SDCCAG8: variants seen among roughly 807,000 people sequenced by gnomAD.
SDCCAG8 encodes the protein serologically defined colon cancer antigen 8.
A neutral mutation model predicts 101.8 loss-of-function variants in SDCCAG8; 74 were observed. The ratio of observed to expected loss-of-function variants is 0.73; its 90% CI spans 0.60 to 0.88. SDCCAG8 has a LOEUF of 0.88. SDCCAG8 is among the 40% of genes least tolerant of loss of function. The pLI is 0.00. For missense variants in SDCCAG8, 787 were observed against 822.6 expected, an observed-to-expected ratio of 0.96 and a Z score of 0.53; for synonymous variants, 281 against 292.9, an observed-to-expected ratio of 0.96 and a Z score of 0.41.
At chr1:243,433,211 CTG>C (rs2081910578) in intron 16 of SDCCAG8, among the ~76,000 whole-genome samples, 3 of 152,088 alleles carry the variant, frequency 2.0e-5, no homozygotes, top group Admixed American at 2.0e-4. Flanking sequence ...GTACCAGTCA[CTG>C]TGCTAGGCCT....
intron 12 of SDCCAG8, among the ~76,000 whole-genome samples, chr1:243,345,261 T>C (rs1328305085): frequency 6.6e-6 from 1 of 152,184 alleles, no homozygotes; most frequent in Non-Finnish European, 1.5e-5. Context: ...GGGAAAAGTA[T>C]TGAAAATGAA....
chr1:243,438,923 A>C (rs1373040812), intron 16 of SDCCAG8, among the ~76,000 whole-genome samples: 2 of 151,966 alleles, frequency 1.3e-5, no homozygotes, highest in African/African-American at 4.8e-5. Flanking sequence ...ATCTTTCCAT[A>C]TCTGTTTTAA....
chr1:243,498,255 C>G (rs753480164), intron 17 of SDCCAG8, among the ~76,000 whole-genome samples: 1 of 152,200 alleles, frequency 6.6e-6, no homozygotes, highest in African/African-American at 2.4e-5. Flanking sequence ...TGGCAGTCTC[C>G]GTGCTGTCAG....
chr1:243,279,554 A>G (rs140577535), intron 4 of SDCCAG8, among the ~76,000 whole-genome samples: 256 of 152,342 alleles, frequency 1.7e-3, no homozygotes, highest in African/African-American at 5.9e-3. Context: ...CAGCATAATA[A>G]CGTCAAAAAA....
intron 16 of SDCCAG8, among the ~76,000 whole-genome samples, chr1:243,481,443 G>A (rs1213785737): frequency 6.6e-6 from 1 of 152,182 alleles, no homozygotes; most frequent in Non-Finnish European, 1.5e-5. Flanking sequence ...AAAGTAACGT[G>A]TAGTATTGTT....
intron 15 of SDCCAG8, among the ~76,000 whole-genome samples, chr1:243,420,467 AT>A (rs773543976): frequency 6.6e-6 from 1 of 152,112 alleles, no homozygotes; most frequent in Non-Finnish European, 1.5e-5. Flanking sequence ...TCTGACTGTC[AT>A]TTTCCGACGG....
chr1:243,355,231 T>C (rs1010333666), intron 12 of SDCCAG8, among the ~76,000 whole-genome samples: 1 of 152,212 alleles, frequency 6.6e-6, no homozygotes, highest in African/African-American at 2.4e-5. Flanking sequence ...CTGCCATCCC[T>C]GAAAATTTCT....
chr1:243,449,069 T>A (rs950784715), intron 16 of SDCCAG8, among the ~76,000 whole-genome samples: 4 of 152,240 alleles, frequency 2.6e-5, no homozygotes, highest in Non-Finnish European at 4.4e-5. Flanking sequence ...ATAGTTTTAT[T>A]GTATAATGAT....
intron 9 of SDCCAG8, among the ~76,000 whole-genome samples, chr1:243,327,903 TTTTG>T (rs1338400929): frequency 1.3e-5 from 2 of 152,144 alleles, no homozygotes; most frequent in Admixed American, 6.5e-5. Context: ...TGTTTGTTTG[TTTTG>T]TTTGTTTGTT....
rs189328522 is a variant in SDCCAG8 at position 243,440,457 on chromosome 1, C to T, written c.1985+13899C>T. On this transcript the variant is annotated intron_variant, in intron 16 of 17. Transcript: ENST00000366541. ...TGAGAGGTTTTGTTCCAAGGCAGACCCTTTTCACCTGACTTGGGAAGGGCA... is the reference window on the plus strand; with the variant it reads ...TGAGAGGTTTTGTTCCAAGGCAGACTCTTTTCACCTGACTTGGGAAGGGCA... Among the ~76,000 whole-genome samples, 6 of 152,102 alleles carry T rather than the reference C, an allele frequency of 3.9e-5. 2 individuals carry two copies. The South Asian group carries it at 6.2e-4, about 16-fold the overall frequency.
At chr1:243,343,571 A>G (rs1012927034) in intron 11 of SDCCAG8, among the ~76,000 whole-genome samples, 1 of 152,210 alleles carries the variant, frequency 6.6e-6, no homozygotes, top group Non-Finnish European at 1.5e-5. Flanking sequence ...TTTTCCTTTT[A>G]TATTGAATGT....
rs553342129 is a variant in SDCCAG8, at chr1:243,338,118, CATT to C, written c.1222-2918_1222-2916del. Among the ~76,000 whole-genome samples the C allele has an allele frequency of 1.2e-3, 182 of 152,064 alleles. 1 individual carries two copies. Among genetic ancestry groups the C allele is most frequent in the Non-Finnish European group, 2.0e-3 (134 of 67,974 alleles). On this transcript the variant is annotated intron_variant, in intron 10 of 17. Coordinates refer to ENST00000366541, the MANE Select transcript of SDCCAG8 (RefSeq NM_006642.5). ...AAAAAAAATTGTAGAATTGGGGTCT[CATT>C]ATGTTGCCCAGGCTGGTCTTGAACT...
At chr1:243,375,039 C>T (rs1467672120) in intron 12 of SDCCAG8, among the ~76,000 whole-genome samples, 1 of 152,050 alleles carries the variant, frequency 6.6e-6, no homozygotes, top group Non-Finnish European at 1.5e-5. Context: ...ATGCTTGTCT[C>T]AGCAGTGAGC....
intron 12 of SDCCAG8, among the ~76,000 whole-genome samples, chr1:243,365,489 C>T (rs1193995765): frequency 6.6e-6 from 1 of 152,066 alleles, no homozygotes; most frequent in Non-Finnish European, 1.5e-5. Context: ...TTCCCTTTAG[C>T]AATCAGAATA....
intron 1 of SDCCAG8, 156 bp from the exon 2 acceptor site, chr1:243,269,949 G>A: frequency 1.0e-6 from 1 of 970,590 alleles, no homozygotes; most frequent in Non-Finnish European, 1.6e-6. Flanking sequence ...CACCATCTTT[G>A]GCACATCCCT....
chr1:243,349,974 G>A (rs1229080221), intron 12 of SDCCAG8, among the ~76,000 whole-genome samples: 1 of 152,050 alleles, frequency 6.6e-6, no homozygotes, highest in Non-Finnish European at 1.5e-5. Context: ...AAAAGAAATA[G>A]ATCCAAAAAT....
At position 243,492,403 on chromosome 1, in the gene SDCCAG8, G is replaced by A. The variant is rs536206918; in HGVS notation, c.2112+3263G>A. Among the ~76,000 whole-genome samples the A allele has an allele frequency of 1.8e-4, 24 of 132,616 alleles. 1 individual carries two copies. The highest frequency in any genetic ancestry group is 4.8e-4 in the African/African-American group (17 of 35,158). The allele number at this position is 132,616 out of a possible 152,430, so 87.0% of individuals were successfully genotyped here. A position where few individuals can be genotyped will look rare whatever the true frequency, so the allele number is the denominator to read the frequency against. ...TGCAACCTCCGCCTCCCGGCTTCAAGTGATTCTCCTGCCTCAGGCTCCCAA... is the reference window on the plus strand; with the variant it reads ...TGCAACCTCCGCCTCCCGGCTTCAAATGATTCTCCTGCCTCAGGCTCCCAA... On this transcript the variant is annotated intron_variant, in intron 17 of 17. Coordinates refer to ENST00000366541, the MANE Select transcript of SDCCAG8 (RefSeq NM_006642.5).
chr1:243,312,934 A>C (rs1327649157), intron 8 of SDCCAG8, among the ~76,000 whole-genome samples: 2 of 152,206 alleles, frequency 1.3e-5, no homozygotes, highest in African/African-American at 4.8e-5. Context: ...TTTATGCCAT[A>C]AGGGAGGTAA....
rs753201767 is a variant in SDCCAG8, at chr1:243,286,257, TTTTG to T, written c.421-11_421-8del. 3.1e-6 allele frequency: 5 copies of T among 1,612,920 alleles called. No individual in the cohort carries two copies. The African/African-American group carries it at 5.3e-5, about 17-fold the overall frequency. On this transcript the variant is annotated splice_polypyrimidine_tract_variant and intron_variant, in intron 4 of 17. Transcript: ENST00000366541. ...GCTTAATAATGCTTAATGTGTTTGG[TTTTG>T]TTTATTATAGGAGGAACTCTCTGGA...
Sources: gnomAD v4.1 joint callset for allele counts (sites outside exome capture counted in the v4.1 genomes callset) on GRCh38, gnomAD v4.1.1 for gene constraint, MANE v1.5 for transcripts, NCBI Gene and HGNC (gene_info 2026-07-23, HGNC 2026-07-21) for gene names.